Variants in GTF2F1 observed in about 807,000 individuals in gnomAD.
GTF2F1 encodes the protein general transcription factor IIF subunit 1, also known as general transcription factor IIF 74 kDa subunit.
Under a neutral mutation model 63.5 loss-of-function variants are expected in GTF2F1, and 39 were observed. That is an observed-to-expected ratio of 0.61 (90% CI 0.48 to 0.80). The LOEUF (loss-of-function observed/expected upper bound fraction) is 0.80, where lower values mean the gene tolerates loss of function less well. GTF2F1 is among the 30% of genes least tolerant of loss of function. GTF2F1 has a pLI of 0.00. For missense variants in GTF2F1, 657 were observed against 718.3 expected, an observed-to-expected ratio of 0.91 and a Z score of 0.97; for synonymous variants, 287 against 285.3, an observed-to-expected ratio of 1.01 and a Z score of -0.06.
Position 6,381,293 on chromosome 19 carries a change from GGGA to G in GTF2F1, c.1018+63_1018+65del. The stretch of plus-strand genomic sequence containing the variant: ...GATGAGGGAGGCCTGCAGGGGAGAG[GGGA>G]GGAGGTGGCAGGGCGCCAGGGCCCG... On this transcript the variant is annotated intron_variant, in intron 9 of 12. Coordinates refer to ENST00000394456, the MANE Select transcript of GTF2F1 (RefSeq NM_002096.3). The surrounding 1 kb of genome is among the most constrained non-coding windows in gnomAD (Gnocchi z 4.1). 1 of 1,545,566 alleles carries G rather than the reference GGGA, an allele frequency of 6.5e-7. No individual in the cohort carries two copies. Among genetic ancestry groups the G allele is most frequent in the Non-Finnish European group, 8.7e-7 (1 of 1,144,376 alleles).
Position 6,381,244 on chromosome 19 carries a change from G to A in GTF2F1, c.1019-49C>T, listed in dbSNP as rs1433146611. The A allele has an allele frequency of 6.4e-7, 1 of 1,566,540 alleles. No individual in the cohort carries two copies. Among genetic ancestry groups the A allele is most frequent in the Admixed American group, 1.9e-5 (1 of 52,730 alleles). ...AGGGCCAGAGCAACCCCGGGACCCG[G>A]TGCCCACTGGTGCCTCCACTGCAGA... On this transcript the variant is annotated intron_variant, in intron 9 of 12. Coordinates refer to ENST00000394456, the MANE Select transcript of GTF2F1 (RefSeq NM_002096.3). This position sits in a 1 kb window ranked among gnomAD's most constrained non-coding sequence, Gnocchi z 4.1.
In GTF2F1 at chr19:6,381,721, A is replaced by G; in HGVS notation, c.812T>C (p.Val271Ala). Residue 271 changes from valine (V) to alanine (A), a missense_variant, in exon 7 of 13, where the codon GTG (valine) becomes GCG (alanine). Val to Ala is a moderately conservative substitution (Grantham distance 64). This residue lies in a region of GTF2F1 where 602 missense variants were observed against 625.6 expected (regional missense o/e 0.96). Transcript: ENST00000394456. The surrounding 1 kb of genome is among the most constrained non-coding windows in gnomAD (Gnocchi z 4.1). ...CCTGGAGCCGTCTGACATGTAGTCC[A>G]CCTCTTGGCCCTCGAAGTCCCCATC... ...SDDGDFEGQE[V>A]DYMSDGSSSS... is the part of the protein sequence containing the mutation. 1.2e-6 allele frequency: 2 copies of G among 1,614,008 alleles called. No homozygotes were observed. The highest frequency in any genetic ancestry group is 1.7e-6 in the Non-Finnish European group (2 of 1,179,984).
chr19:6,386,591 C>CCGCCA (rs1286597100), intron 5 of GTF2F1, among the ~76,000 whole-genome samples: 1 of 151,962 alleles, frequency 6.6e-6, no homozygotes, highest in East Asian at 2.0e-4. Context: ...CTACAGGCGC[C>CCGCCA]CGCCACCATG....
In GTF2F1 at chr19:6,381,821, C is replaced by A; in HGVS notation, c.712G>T (p.Ala238Ser). Residue 238 changes from alanine (A) to serine (S), a missense_variant, in exon 7 of 13, where the codon GCG becomes TCG. Transcript: ENST00000394456. This position sits in a 1 kb window ranked among gnomAD's most constrained non-coding sequence, Gnocchi z 4.1. The part of the protein sequence containing the change: ...GGRVPKAKKK[A>S]PLAKGGRKKK... ...TTCCTGCCGCCCTTGGCCAGCGGCG[C>A]CTTCTTCTTGGCCTTGGGGACTCTG... The A allele has an allele frequency of 6.2e-7, 1 of 1,613,472 alleles. No homozygotes were observed.
rs759216651 is a variant in GTF2F1, at chr19:6,383,331, C to A, written c.662G>T (p.Ser221Ile). 2 of 1,614,086 alleles carry A rather than the reference C, an allele frequency of 1.2e-6. No individual in the cohort carries two copies. Among genetic ancestry groups the A allele is most frequent in the Non-Finnish European group, 1.7e-6 (2 of 1,180,044 alleles). Residue 221 changes from serine (S) to isoleucine (I), a missense_variant, in exon 6 of 13, where the codon AGT becomes ATT. By Grantham distance (142) the Ser-to-Ile change is moderately radical. Transcript: ENST00000394456. The surrounding 1 kb of genome is among the most constrained non-coding windows in gnomAD (Gnocchi z 4.5). ...CTCACCCTCCTCACCACTGGCATCACTGGCATCGGACGACATCTCCAGGTC... is the reference window on the plus strand; with the variant it reads ...CTCACCCTCCTCACCACTGGCATCAATGGCATCGGACGACATCTCCAGGTC... ...EDDLEMSSDASDASGEEGGRV... is the reference protein window; with the variant it reads ...EDDLEMSSDAIDASGEEGGRV...
In GTF2F1 at chr19:6,389,915, C is replaced by G. The variant is rs143368727; in HGVS notation, c.133-278G>C. 3.4e-3 allele frequency among the ~76,000 whole-genome samples: 523 copies of G among 152,290 alleles called. 7 individuals carry two copies. The highest frequency in any genetic ancestry group is 0.012 in the African/African-American group (506 of 41,558). On this transcript the variant is annotated intron_variant, in intron 3 of 12. Transcript: ENST00000394456. ...ACCTGGTGACCATCAAGCAGGCCAT[C>G]GGAGGCAAAATTCCTTATCTGAGGA...
rs776663368 is a variant in GTF2F1 at position 6,381,653 on chromosome 19, G to C, written c.837-38C>G. ...GATGGCAAAGGATGAGCGCGCGCTC[G>C]CGAGGCTGCATGGGGTCTCGCAGGC... On this transcript the variant is annotated intron_variant, in intron 7 of 12. Coordinates refer to ENST00000394456, the MANE Select transcript of GTF2F1 (RefSeq NM_002096.3). This position sits in a 1 kb window ranked among gnomAD's most constrained non-coding sequence, Gnocchi z 4.1. 1 of 1,614,022 alleles carries C rather than the reference G, an allele frequency of 6.2e-7. No homozygotes were observed. Among genetic ancestry groups the C allele is most frequent in the Non-Finnish European group, 8.5e-7 (1 of 1,180,014 alleles).
chr19:6,389,355 C>CA lies in GTF2F1; in HGVS notation c.326+88dup, dbSNP rs2091986983. On this transcript the variant is annotated intron_variant, in intron 4 of 12. Coordinates refer to ENST00000394456, the MANE Select transcript of GTF2F1 (RefSeq NM_002096.3). ...ACTGCAGCAGTGGGAATCTGAGGTT[C>CA]AGAGAGGGTACCCCACAAAGTATGT... 53 of 1,148,210 alleles carry CA rather than the reference C, an allele frequency of 4.6e-5. 1 individual carries two copies. In the South Asian group the frequency reaches 8.6e-4, roughly 19 times the overall value. The allele number at this position is 1,148,210 out of a possible 1,614,324, so 71.1% of individuals were successfully genotyped here.
Position 6,380,753 on chromosome 19 carries a change from C to T in GTF2F1, c.1232-63G>A. ...GAGGCAGAACCCCTGGGCAGGACCC[C>T]AGGCTGGGCAGTGCCAGGATTAGGG... On this transcript the variant is annotated intron_variant, in intron 11 of 12. Transcript: ENST00000394456. The surrounding 1 kb of genome is among the most constrained non-coding windows in gnomAD (Gnocchi z 5.3). 6.4e-7 allele frequency: 1 copy of T among 1,574,426 alleles called. No homozygotes were observed. The highest frequency in any genetic ancestry group is 1.3e-5 in the African/African-American group (1 of 74,442).
At position 6,379,990 on chromosome 19, in the gene GTF2F1, C is replaced by G. The variant is rs1599207550; in HGVS notation, c.*291G>C. The G allele has an allele frequency of 4.1e-6, 2 of 488,428 alleles. No homozygotes were observed. Among genetic ancestry groups the G allele is most frequent in the Non-Finnish European group, 7.5e-6 (2 of 266,878 alleles). 30.3% of individuals were successfully genotyped at this position (488,428 alleles called of 1,614,324 possible). A position where few individuals can be genotyped will look rare whatever the true frequency, so the allele number is the denominator to read the frequency against. On this transcript the variant is annotated 3_prime_UTR_variant, in exon 13 of 13. Transcript: ENST00000394456. ...AGTTACCCAGTGGGCAGCACAGGCC[C>G]TTGGTCAGTGTGAGGGAGGCCGAGC...
chr19:6,381,579 C>G lies in GTF2F1; in HGVS notation c.873G>C (p.Ala291=), dbSNP rs770567679. 1 of 1,613,664 alleles carries G rather than the reference C, an allele frequency of 6.2e-7. No individual in the cohort carries two copies. Among genetic ancestry groups the G allele is most frequent in the Non-Finnish European group, 8.5e-7 (1 of 1,180,018 alleles). ...SQEEPESKAK[A]PQQEEGPKGV... ...CCTTGGGCCCCTCCTCCTGCTGCGG[C>G]GCCTTGGCCTTGCTCTCAGGCTCTT... The change falls in exon 8 of 13, where the codon GCG becomes GCC. Residue 291 remains alanine, a synonymous_variant. Coordinates refer to ENST00000394456, the MANE Select transcript of GTF2F1 (RefSeq NM_002096.3). This position sits in a 1 kb window ranked among gnomAD's most constrained non-coding sequence, Gnocchi z 4.1.
intron 5 of GTF2F1, among the ~76,000 whole-genome samples, chr19:6,385,032 C>T (rs1195396004): frequency 6.6e-6 from 1 of 151,974 alleles, no homozygotes; most frequent in Non-Finnish European, 1.5e-5. Flanking sequence ...AACTCTTGAC[C>T]TTGCGATCCG....
At position 6,380,185 on chromosome 19, in the gene GTF2F1, C is replaced by G. The variant is rs1180446687; in HGVS notation, c.*96G>C. 1.9e-6 allele frequency: 2 copies of G among 1,047,664 alleles called. No individual in the cohort carries two copies. The highest frequency in any genetic ancestry group is 3.4e-5 in the Admixed American group (2 of 58,788). 64.9% of individuals were successfully genotyped at this position (1,047,664 alleles called of 1,614,324 possible). Reference sequence around the variant, plus strand: ...ACTGAGAGCCTGAAGTTCTGGAGGGCAGAGCCATGTATTGGACAGAGCCTC... The same window carrying G: ...ACTGAGAGCCTGAAGTTCTGGAGGGGAGAGCCATGTATTGGACAGAGCCTC... On this transcript the variant is annotated 3_prime_UTR_variant, in exon 13 of 13. Coordinates refer to ENST00000394456, the MANE Select transcript of GTF2F1 (RefSeq NM_002096.3). The surrounding 1 kb of genome is among the most constrained non-coding windows in gnomAD (Gnocchi z 5.3).
intron 5 of GTF2F1, among the ~76,000 whole-genome samples, chr19:6,385,105 G>C (rs1415690930): frequency 6.6e-6 from 1 of 152,020 alleles, no homozygotes; most frequent in Non-Finnish European, 1.5e-5. Flanking sequence ...ATCAAGAGAT[G>C]GCATTCTGGC....
At chr19:6,386,502 C>A (rs2091974463) in intron 5 of GTF2F1, among the ~76,000 whole-genome samples, 1 of 152,186 alleles carries the variant, frequency 6.6e-6, no homozygotes, top group Non-Finnish European at 1.5e-5. Context: ...CTGGAGTGCA[C>A]TGGCAACATC....
rs148667777 is a variant in GTF2F1, at chr19:6,382,754, T to C, written c.682+557A>G. Among the ~76,000 whole-genome samples the C allele has an allele frequency of 1.5e-3, 222 of 144,704 alleles. 1 individual carries two copies. Among genetic ancestry groups the C allele is most frequent in the African/African-American group, 5.5e-3 (212 of 38,862 alleles). 94.9% of individuals were successfully genotyped at this position (144,704 alleles called of 152,430 possible). On this transcript the variant is annotated intron_variant, in intron 6 of 12. Transcript: ENST00000394456. The stretch of plus-strand genomic sequence containing the variant: ...TCAAGGCTGCAGTAAGCTGTGATTG[T>C]ACCACTACACTCCAGCCCATGTGAG...
chr19:6,387,724 A>T (rs542743346), intron 4 of GTF2F1, among the ~76,000 whole-genome samples, 165 bp from the exon 5 acceptor site: 2 of 150,608 alleles, frequency 1.3e-5, no homozygotes, highest in African/African-American at 2.4e-5. Context: ...GTCAATTTCC[A>T]CATCTGGGGA....
In GTF2F1 at chr19:6,380,165, G is replaced by C; in HGVS notation, c.*116C>G. 1.1e-6 allele frequency: 1 copy of C among 894,628 alleles called. No individual in the cohort carries two copies. The highest frequency in any genetic ancestry group is 1.9e-6 in the Non-Finnish European group (1 of 534,184). The allele number at this position is 894,628 out of a possible 1,614,324, so 55.4% of individuals were successfully genotyped here. ...AAGCAGGATGTCGAAGGGTCACTGAGAGCCTGAAGTTCTGGAGGGCAGAGC... is the reference window on the plus strand; with the variant it reads ...AAGCAGGATGTCGAAGGGTCACTGACAGCCTGAAGTTCTGGAGGGCAGAGC... On this transcript the variant is annotated 3_prime_UTR_variant, in exon 13 of 13. Transcript: ENST00000394456. This position sits in a 1 kb window ranked among gnomAD's most constrained non-coding sequence, Gnocchi z 5.3.
intron 2 of GTF2F1, 83 bp downstream of exon 2, chr19:6,392,774 C>A: frequency 1.5e-6 from 2 of 1,376,858 alleles, no homozygotes; most frequent in Admixed American, 3.4e-5. Context: ...ACAGACAGGG[C>A]CAGAAATGGC....
Sources: gnomAD v4.1 joint callset for allele counts (sites outside exome capture counted in the v4.1 genomes callset) on GRCh38, gnomAD v4.1.1 for gene constraint, gnomAD v4.1.1 regional missense constraint, Gnocchi (gnomAD v3.1) non-coding constraint, MANE v1.5 for transcripts, NCBI Gene and HGNC (gene_info 2026-07-23, HGNC 2026-07-21) for gene names.